ATP8B4: variants seen among roughly 807,000 people sequenced by gnomAD.
ATP8B4 encodes the protein ATPase phospholipid transporting 8B4 (putative).
Under a neutral mutation model 145.6 loss-of-function variants are expected in ATP8B4, and 133 were observed. That is an observed-to-expected ratio of 0.91 (90% CI 0.79 to 1.05). ATP8B4 has a LOEUF of 1.05. ATP8B4 is among the 50% of genes least tolerant of loss of function. The pLI is 0.00. For missense variants in ATP8B4, 1,458 were observed against 1,425.2 expected (o/e 1.02, Z -0.37); for synonymous variants, 507 against 492.9 (o/e 1.03, Z -0.38).
chr15:49,980,923 CTA>C (rs759703383), intron 11 of ATP8B4, among the ~76,000 whole-genome samples: 2 of 152,186 alleles, frequency 1.3e-5, no homozygotes, highest in Non-Finnish European at 2.9e-5. Flanking sequence ...GCCTTAAAAA[CTA>C]TGTTTGGTTT....
At chr15:50,071,814 A>G (rs1335177169) in intron 3 of ATP8B4, among the ~76,000 whole-genome samples, 4 of 152,194 alleles carry the variant, frequency 2.6e-5, no homozygotes, top group Admixed American at 6.5e-5. Context: ...TCTTGTCTCA[A>G]GAGCAGACTT....
chr15:49,904,167 G>C (rs2038358654), intron 20 of ATP8B4, among the ~76,000 whole-genome samples: 1 of 152,124 alleles, frequency 6.6e-6, no homozygotes, highest in East Asian at 1.9e-4. Flanking sequence ...TTTACACATA[G>C]AGTCAGCCAC....
chr15:49,970,572 G>A (rs912150151), intron 13 of ATP8B4, among the ~76,000 whole-genome samples: 1 of 152,140 alleles, frequency 6.6e-6, no homozygotes, highest in African/African-American at 2.4e-5. Context: ...CAAGGAATGC[G>A]AAGGACCTTT....
chr15:50,149,990 A>T (rs993938815), intron 1 of ATP8B4, among the ~76,000 whole-genome samples: 3 of 151,986 alleles, frequency 2.0e-5, no homozygotes, highest in Non-Finnish European at 4.4e-5. Context: ...AATCCCAGCT[A>T]CTCAGGAGGC....
intron 14 of ATP8B4, among the ~76,000 whole-genome samples, chr15:49,946,077 A>G (rs1344846964): frequency 6.6e-6 from 1 of 152,220 alleles, no homozygotes; most frequent in Non-Finnish European, 1.5e-5. Flanking sequence ...TGTGAAGATG[A>G]TGCTATCTTA....
rs1404069484 is a variant in ATP8B4, at chr15:49,999,178, T to A, written c.507-2419A>T. ...GATTGGATTAAGAAAATGTGGCACA[T>A]ATACACCATGGAATACTATGCAGCC... On this transcript the variant is annotated intron_variant, in intron 8 of 27. Transcript: ENST00000284509. 2.6e-5 allele frequency among the ~76,000 whole-genome samples: 4 copies of A among 152,050 alleles called. No individual in the cohort carries two copies. The East Asian group carries it at 7.7e-4, about 29-fold the overall frequency.
intron 1 of ATP8B4, among the ~76,000 whole-genome samples, chr15:50,134,313 C>T (rs548597693): frequency 9.9e-5 from 15 of 151,940 alleles, no homozygotes; most frequent in Non-Finnish European, 1.8e-4. Context: ...CAATGATCAG[C>T]GCTCTTATAA....
chr15:49,989,516 T>C (rs775546514), intron 9 of ATP8B4, among the ~76,000 whole-genome samples: 13 of 152,166 alleles, frequency 8.5e-5, no homozygotes, highest in Non-Finnish European at 1.8e-4. Context: ...TCATTTCTAT[T>C]GTCATAAGCA....
intron 2 of ATP8B4, among the ~76,000 whole-genome samples, chr15:50,098,744 GC>G (rs1457281429): frequency 1.3e-5 from 2 of 152,092 alleles, no homozygotes; most frequent in East Asian, 3.9e-4. Flanking sequence ...TCTCTGGAAG[GC>G]TATTTCACCC....
intron 6 of ATP8B4, among the ~76,000 whole-genome samples, chr15:50,014,876 A>T (rs2048974063): frequency 6.6e-6 from 1 of 152,218 alleles, no homozygotes; most frequent in Non-Finnish European, 1.5e-5. Context: ...ATCTATCAAA[A>T]GTTTAAATGA....
chr15:49,873,562 T>C (rs747098791), intron 25 of ATP8B4, among the ~76,000 whole-genome samples: 2 of 152,212 alleles, frequency 1.3e-5, no homozygotes, highest in Non-Finnish European at 2.9e-5. Context: ...ATTTTTTTCA[T>C]GCTAACCCTG....
chr15:50,154,669 T>TTA (rs1483124118), intron 1 of ATP8B4, among the ~76,000 whole-genome samples: 1 of 152,108 alleles, frequency 6.6e-6, no homozygotes, highest in Non-Finnish European at 1.5e-5. Flanking sequence ...ACAAACATAT[T>TTA]TATATTCAGC....
chr15:49,866,476 C>G lies in ATP8B4; in HGVS notation c.3036G>C (p.Leu1012Phe). 1.9e-6 allele frequency: 3 copies of G among 1,613,456 alleles called. No homozygotes were observed. The highest frequency in any genetic ancestry group is 2.5e-6 in the Non-Finnish European group (3 of 1,179,442). ...TAATGAAAGTCCAGTAACTGGTATC[C>G]AAGGCTATCTGTAAATAAAATCAAA... is the stretch of plus-strand genomic sequence containing the variant. ...LVIVVSVQIA[L>F]DTSYWTFINH... is the part of the protein sequence containing the mutation. The change falls in exon 26 of 28, where the codon TTG becomes TTC. Residue 1012 changes from leucine (L) to phenylalanine (F), a missense_variant. Leu to Phe is a conservative substitution (Grantham distance 22). Transcript: ENST00000284509.
chr15:50,163,775 A>G (rs976677345), intron 1 of ATP8B4, among the ~76,000 whole-genome samples: 7 of 152,210 alleles, frequency 4.6e-5, no homozygotes, highest in Admixed American at 1.3e-4. Context: ...ACCAGGACCT[A>G]AAGTCAGGAA....
chr15:50,080,484 T>G (rs1182662144), intron 2 of ATP8B4, among the ~76,000 whole-genome samples: 1 of 152,198 alleles, frequency 6.6e-6, no homozygotes, highest in African/African-American at 2.4e-5. Flanking sequence ...TATCCACTTA[T>G]GCTTGTCTTT....
intron 1 of ATP8B4, among the ~76,000 whole-genome samples, chr15:50,163,485 A>C (rs1431528187): frequency 6.6e-6 from 1 of 152,104 alleles, no homozygotes; most frequent in Non-Finnish European, 1.5e-5. Context: ...AAACAAATGG[A>C]GTTTGTCTCA....
At position 49,880,939 on chromosome 15, in the gene ATP8B4, C is replaced by T. The variant is rs568772380; in HGVS notation, c.2698-1480G>A. ...CATCCTGGCTAACATGGTGAAACCC[C>T]GTCTCTACTAAAAATACAAAAAATT... On this transcript the variant is annotated intron_variant, in intron 23 of 27. Coordinates refer to ENST00000284509, the MANE Select transcript of ATP8B4 (RefSeq NM_024837.4). Among the ~76,000 whole-genome samples, 11 of 151,984 alleles carry T rather than the reference C, an allele frequency of 7.2e-5. No homozygotes were observed. In the South Asian group the frequency reaches 1.0e-3, roughly 14 times the overall value.
intron 1 of ATP8B4, among the ~76,000 whole-genome samples, chr15:50,168,759 C>G (rs986999435): frequency 1.3e-5 from 2 of 152,198 alleles, no homozygotes; most frequent in Non-Finnish European, 2.9e-5. Flanking sequence ...TTTTCTCTTG[C>G]AGCTGGTAGG....
intron 23 of ATP8B4, among the ~76,000 whole-genome samples, chr15:49,890,624 C>A (rs1195600524): frequency 1.3e-5 from 2 of 152,230 alleles, no homozygotes; most frequent in Non-Finnish European, 2.9e-5. Context: ...AATTCTCATT[C>A]TCTGTAGTTC....
Sources: allele counts gnomAD v4.1 joint callset (sites outside exome capture counted in the v4.1 genomes callset), GRCh38; gene constraint gnomAD v4.1.1; transcripts MANE v1.5; gene names NCBI Gene and HGNC (gene_info 2026-07-23, HGNC 2026-07-21).